The following CSMD1 variants were observed in gnomAD, a reference collection of about 807,000 sequenced individuals.
CSMD1 encodes the protein CUB and Sushi multiple domains 1, also known as CUB and sushi domain-containing protein 1.
In CSMD1, 213 loss-of-function variants were observed where a neutral mutation model predicts 417.5. That is an observed-to-expected ratio of 0.51 (90% CI 0.46 to 0.57). CSMD1 has a LOEUF of 0.57. Among genes scored for constraint, CSMD1 ranks in the 20% least tolerant of loss-of-function variants. The pLI is 0.00. For synonymous variants in CSMD1, 2,862 were observed against 1,736.8 expected, an observed-to-expected ratio of 1.65 and a Z score of -16.11; for missense variants, 6,923 against 4,529.7, an observed-to-expected ratio of 1.53 and a Z score of -15.17.
chr8:4,274,238 CA>C (rs1478503787), intron 3 of CSMD1, among the ~76,000 whole-genome samples: 1 of 152,096 alleles, frequency 6.6e-6, no homozygotes, highest in Non-Finnish European at 1.5e-5. Flanking sequence ...CTGAAATAAT[CA>C]GCATTTTATT....
At chr8:4,277,990 C>T (rs531660866) in intron 3 of CSMD1, among the ~76,000 whole-genome samples, 33 of 152,122 alleles carry the variant, frequency 2.2e-4, no homozygotes, top group Admixed American at 1.6e-3. Context: ...CCTCGTGATT[C>T]GCCGCCTTGC....
At chr8:4,028,349 A>T (rs1213474965) in intron 4 of CSMD1, among the ~76,000 whole-genome samples, 1 of 152,182 alleles carries the variant, frequency 6.6e-6, no homozygotes, top group Non-Finnish European at 1.5e-5. Flanking sequence ...ACTTATGAAG[A>T]TTAAATTTGC....
chr8:4,263,425 C>T (rs1429388266), intron 3 of CSMD1, among the ~76,000 whole-genome samples: 1 of 152,174 alleles, frequency 6.6e-6, no homozygotes, highest in Non-Finnish European at 1.5e-5. Context: ...TAAACAAAAA[C>T]ATCGTATGGG....
At chr8:4,687,992 T>C (rs879756794) in intron 1 of CSMD1, among the ~76,000 whole-genome samples, 3 of 152,226 alleles carry the variant, frequency 2.0e-5, no homozygotes, top group African/African-American at 4.8e-5. Context: ...TTCTTGATTC[T>C]ATCTGGTGTG....
chr8:4,391,163 G>C (rs776049864), intron 3 of CSMD1, among the ~76,000 whole-genome samples: 1 of 152,140 alleles, frequency 6.6e-6, no homozygotes, highest in Non-Finnish European at 1.5e-5. Flanking sequence ...GGCAAGTATG[G>C]CAAGAACTAT....
chr8:3,964,758 C>T (rs1279131918), intron 5 of CSMD1, among the ~76,000 whole-genome samples: 2 of 152,144 alleles, frequency 1.3e-5, no homozygotes, highest in Admixed American at 6.5e-5. Flanking sequence ...GTCCTGTATC[C>T]TTCATAAAGG....
chr8:4,719,846 G>A (rs1192641603), intron 1 of CSMD1, among the ~76,000 whole-genome samples: 2 of 152,026 alleles, frequency 1.3e-5, no homozygotes, highest in Non-Finnish European at 2.9e-5. Context: ...TCTCATTAAA[G>A]TAGTATAAAA....
At chr8:4,405,791 A>AT (rs1410607730) in intron 3 of CSMD1, among the ~76,000 whole-genome samples, 1 of 152,166 alleles carries the variant, frequency 6.6e-6, no homozygotes, top group African/African-American at 2.4e-5. Context: ...TTGTTGAGTG[A>AT]TTTTAGACAC....
intron 3 of CSMD1, among the ~76,000 whole-genome samples, chr8:4,333,895 TTTTTG>T (rs373772763): frequency 2.0e-5 from 3 of 152,110 alleles, no homozygotes; most frequent in Non-Finnish European, 4.4e-5. Flanking sequence ...CCTTTATTTC[TTTTTG>T]TTTTGTTTTG....
intron 5 of CSMD1, among the ~76,000 whole-genome samples, chr8:3,770,233 G>T (rs1169593345): frequency 6.6e-6 from 1 of 152,156 alleles, no homozygotes; most frequent in Non-Finnish European, 1.5e-5. Context: ...CTTGGTGCAA[G>T]AAAATACTAG....
chr8:4,433,656 A>G (rs1797993627), intron 2 of CSMD1, among the ~76,000 whole-genome samples: 1 of 152,146 alleles, frequency 6.6e-6, no homozygotes, highest in Non-Finnish European at 1.5e-5. Context: ...CCTTGTCTGA[A>G]AGAGCTACAC....
chr8:4,187,508 G>T (rs368383546), intron 3 of CSMD1, among the ~76,000 whole-genome samples: 1 of 152,124 alleles, frequency 6.6e-6, no homozygotes, highest in Non-Finnish European at 1.5e-5. Flanking sequence ...AGCCTGGGTG[G>T]TGGCACATGC....
chr8:4,191,294 G>C (rs572520522), intron 3 of CSMD1, among the ~76,000 whole-genome samples: 1 of 152,126 alleles, frequency 6.6e-6, no homozygotes, highest in South Asian at 2.1e-4. Context: ...TACTCGGGAG[G>C]CTGAGGCAGG....
intron 5 of CSMD1, among the ~76,000 whole-genome samples, chr8:3,912,341 G>C (rs138466512): frequency 6.6e-6 from 1 of 152,138 alleles, no homozygotes; most frequent in Non-Finnish European, 1.5e-5. Context: ...TCTGGTTTCA[G>C]TCAAAACATG....
intron 5 of CSMD1, among the ~76,000 whole-genome samples, chr8:3,772,322 T>G (rs1179938599): frequency 1.6e-5 from 1 of 62,118 alleles, no homozygotes; most frequent in Non-Finnish European, 3.4e-5. Flanking sequence ...CATACATATG[T>G]ACATATATTT....
intron 10 of CSMD1, among the ~76,000 whole-genome samples, chr8:3,513,124 A>G (rs62475768): frequency 0.1 from 15,733 of 151,186 alleles, 2,188 homozygotes; most frequent in African/African-American, 0.3. Context: ...AATTATTATT[A>G]TTATTTTTTT....
intron 5 of CSMD1, among the ~76,000 whole-genome samples, chr8:3,877,994 T>C (rs1441265023): frequency 6.6e-6 from 1 of 152,010 alleles, no homozygotes; most frequent in Non-Finnish European, 1.5e-5. Flanking sequence ...AAACTGAATG[T>C]AAATGATAAA....
At chr8:4,228,056 C>G (rs1018669853) in intron 3 of CSMD1, among the ~76,000 whole-genome samples, 1 of 151,988 alleles carries the variant, frequency 6.6e-6, no homozygotes, top group Non-Finnish European at 1.5e-5. Flanking sequence ...GAAGCACGCC[C>G]TCTAACTTGC....
chr8:3,735,356 T>A (rs768523514), intron 6 of CSMD1, among the ~76,000 whole-genome samples: 1 of 152,122 alleles, frequency 6.6e-6, no homozygotes, highest in Non-Finnish European at 1.5e-5. Flanking sequence ...TCTGCAAATA[T>A]TGACTCAAGA....
Sources: allele counts gnomAD v4.1 joint callset (sites outside exome capture counted in the v4.1 genomes callset), GRCh38; gene constraint gnomAD v4.1.1; transcripts MANE v1.5; gene names NCBI Gene and HGNC (gene_info 2026-07-23, HGNC 2026-07-21).